LIMD1: variants seen among roughly 807,000 people sequenced by gnomAD.
The protein encoded by LIMD1 is LIM domain containing 1.
A neutral mutation model predicts 58.4 loss-of-function variants in LIMD1; 23 were observed. The observed-to-expected ratio is 0.39, with a 90% CI of 0.28 to 0.56. The LOEUF (loss-of-function observed/expected upper bound fraction) is 0.56. LIMD1 is among the 20% of genes least tolerant of loss of function. The pLI is 0.57. For synonymous variants in LIMD1, 334 were observed against 345.5 expected (o/e 0.97, Z 0.37); for missense variants, 838 against 855.5 (o/e 0.98, Z 0.25).
chr3:45,674,229 G>C, intron 6 of LIMD1, 114 bp from the exon 7 acceptor site: 1 of 679,640 alleles, frequency 1.5e-6, no homozygotes, highest in Non-Finnish European at 2.7e-6. Context: ...TCCTCCCAAG[G>C]CCACCTACTT....
At chr3:45,653,177 C>T (rs1575360655) in intron 2 of LIMD1, among the ~76,000 whole-genome samples, 1 of 152,190 alleles carries the variant, frequency 6.6e-6, no homozygotes, top group East Asian at 1.9e-4. Context: ...AAAAGCCTCC[C>T]ATACCTAGCC....
chr3:45,658,421 AT>A (rs1339254999), intron 2 of LIMD1, among the ~76,000 whole-genome samples: 1 of 151,702 alleles, frequency 6.6e-6, no homozygotes, highest in South Asian at 2.1e-4. Context: ...CAGCTGGGCA[AT>A]TTTTTAAATG....
chr3:45,612,700 A>ACC (rs1559514936), intron 1 of LIMD1, among the ~76,000 whole-genome samples: 1 of 152,202 alleles, frequency 6.6e-6, no homozygotes, highest in Non-Finnish European at 1.5e-5. Context: ...CCAGGCAACT[A>ACC]CAATTCTGAT....
intron 1 of LIMD1, among the ~76,000 whole-genome samples, chr3:45,610,587 G>T (rs1701513927): frequency 6.6e-6 from 1 of 152,192 alleles, no homozygotes; most frequent in Admixed American, 6.6e-5. Flanking sequence ...AGGAGCTGTT[G>T]GTGGGAATGA....
intron 2 of LIMD1, among the ~76,000 whole-genome samples, chr3:45,660,707 C>T (rs555703144): frequency 8.5e-5 from 13 of 152,172 alleles, no homozygotes; most frequent in African/African-American, 2.9e-4. Context: ...TGAGCCACCG[C>T]GCCCGGCCAG....
At chr3:45,656,350 A>G (rs1039009799) in intron 2 of LIMD1, among the ~76,000 whole-genome samples, 7 of 151,896 alleles carry the variant, frequency 4.6e-5, no homozygotes, top group African/African-American at 1.7e-4. Flanking sequence ...TGGTGGAAAG[A>G]GTGTTGACTT....
chr3:45,662,996 C>A (rs574468303), intron 2 of LIMD1, among the ~76,000 whole-genome samples: 136 of 150,350 alleles, frequency 9.0e-4, no homozygotes, highest in African/African-American at 3.0e-3. Context: ...AAAAAAAAAA[C>A]AAAACAGTAC....
Position 45,676,914 on chromosome 3 carries a change from C to A in LIMD1, c.1894-8C>A. Reference sequence around the variant, plus strand: ...TTGCTTCCCCTGGACATGTCTGCCTCCCCACAGGACTGTGGTCTGGAGCTC... The same window carrying A: ...TTGCTTCCCCTGGACATGTCTGCCTACCCACAGGACTGTGGTCTGGAGCTC... On this transcript the variant is annotated splice_region_variant and splice_polypyrimidine_tract_variant and intron_variant, in intron 7 of 7. Transcript: ENST00000273317. The A allele has an allele frequency of 6.2e-7, 1 of 1,613,966 alleles. No homozygotes were observed. The highest frequency in any genetic ancestry group is 1.1e-5 in the South Asian group (1 of 91,076).
At chr3:45,666,304 C>T (rs759838209) in intron 3 of LIMD1, among the ~76,000 whole-genome samples, 8 of 152,220 alleles carry the variant, frequency 5.3e-5, no homozygotes, top group Admixed American at 1.3e-4. Context: ...GCGTTGAACT[C>T]TGTGCTGCCA....
chr3:45,674,277 T>C (rs74858541), intron 6 of LIMD1, 66 bp from the exon 7 acceptor site: 46,233 of 1,256,026 alleles, frequency 0.037, 1,135 homozygotes, highest in East Asian at 0.11. Context: ...CACCCCACGG[T>C]ACATCAAGCC....
At position 45,595,243 on chromosome 3, in the gene LIMD1, G is replaced by T. The variant is rs941238265; in HGVS notation, c.364G>T (p.Ala122Ser). 1 of 1,605,760 alleles carries T rather than the reference G, an allele frequency of 6.2e-7. No individual in the cohort carries two copies. Among genetic ancestry groups the T allele is most frequent in the African/African-American group, 1.3e-5 (1 of 74,952 alleles). Residue 122 changes from alanine (A) to serine (S), a missense_variant, in exon 1 of 8, where the codon GCT becomes TCT. Physicochemically the swap from Ala to Ser is moderately conservative, Grantham distance 99. Around this residue, in one of 3 missense-constraint regions of LIMD1, gnomAD observed 659 missense variants for 639.8 expected, o/e 1.03. Coordinates refer to ENST00000273317, the MANE Select transcript of LIMD1 (RefSeq NM_014240.3). ...GAPGAVTTLA[A>S]GQPPYPPQEQ... ...ACCTGGGGCAGTCACCACCCTCGCT[G>T]CTGGGCAGCCCCCGTACCCACCGCA...
rs557698299 is a variant in LIMD1 at position 45,651,022 on chromosome 3, C to T, written c.1511-14628C>T. Among the ~76,000 whole-genome samples the T allele has an allele frequency of 7.5e-5, 10 of 133,158 alleles. No homozygotes were observed. In the South Asian group the frequency reaches 1.2e-3, roughly 15 times the overall value. 87.4% of individuals were successfully genotyped at this position (133,158 alleles called of 152,430 possible). ...TGTTGTTTCCTGACTTTTTAATAAT[C>T]GCCATTCTAACTGACATGAGATGGT... On this transcript the variant is annotated intron_variant, in intron 2 of 7. Coordinates refer to ENST00000273317, the MANE Select transcript of LIMD1 (RefSeq NM_014240.3).
At chr3:45,618,114 C>G (rs1701592067) in intron 1 of LIMD1, among the ~76,000 whole-genome samples, 1 of 152,178 alleles carries the variant, frequency 6.6e-6, no homozygotes, top group South Asian at 2.1e-4. Context: ...CCAGTCATCT[C>G]TGCCCCACAT....
At chr3:45,665,937 C>T (rs1406658946) in intron 3 of LIMD1, among the ~76,000 whole-genome samples, 1 of 152,192 alleles carries the variant, frequency 6.6e-6, no homozygotes, top group East Asian at 1.9e-4. Context: ...TGGCTATCCT[C>T]TTGCTGCTTT....
At chr3:45,672,847 C>G in intron 5 of LIMD1, 27 bp downstream of exon 5, 1 of 1,611,990 alleles carries the variant, frequency 6.2e-7, no homozygotes, top group Non-Finnish European at 8.5e-7. Context: ...GCAGACAGGA[C>G]CCATTCGTGT....
chr3:45,654,183 A>G (rs1046508618), intron 2 of LIMD1, among the ~76,000 whole-genome samples: 1 of 152,238 alleles, frequency 6.6e-6, no homozygotes, highest in Non-Finnish European at 1.5e-5. Context: ...CTGGGACAGT[A>G]CAATCAAAAC....
chr3:45,633,771 G>A (rs1701759862), intron 1 of LIMD1, among the ~76,000 whole-genome samples: 1 of 152,158 alleles, frequency 6.6e-6, no homozygotes, highest in South Asian at 2.1e-4. Context: ...TTGGCAGAGG[G>A]GCTTTCTCCT....
At chr3:45,631,511 A>T (rs1701733834) in intron 1 of LIMD1, among the ~76,000 whole-genome samples, 1 of 152,076 alleles carries the variant, frequency 6.6e-6, no homozygotes, top group East Asian at 1.9e-4. Flanking sequence ...TTTCAAACAC[A>T]GGTGGCTTCC....
At chr3:45,634,454 C>T (rs930564198) in intron 1 of LIMD1, among the ~76,000 whole-genome samples, 5 of 152,156 alleles carry the variant, frequency 3.3e-5, no homozygotes, top group South Asian at 2.1e-4. Context: ...TGTGAGATCC[C>T]GAGAGGCCCA....
Sources: gnomAD v4.1 joint callset for allele counts (sites outside exome capture counted in the v4.1 genomes callset) on GRCh38, gnomAD v4.1.1 for gene constraint, gnomAD v4.1.1 regional missense constraint, MANE v1.5 for transcripts, NCBI Gene and HGNC (gene_info 2026-07-23, HGNC 2026-07-21) for gene names.